NKAIN2: variants seen among roughly 807,000 people sequenced by gnomAD.
The protein encoded by NKAIN2 is sodium/potassium transporting ATPase interacting 2, also known as sodium/potassium-transporting ATPase subunit beta-1-interacting protein 2.
A neutral mutation model predicts 32.6 loss-of-function variants in NKAIN2; 14 were observed. The ratio of observed to expected loss-of-function variants is 0.43; its 90% CI spans 0.28 to 0.67. The LOEUF (loss-of-function observed/expected upper bound fraction) is 0.67. Ranked by LOEUF, NKAIN2 falls within the 30% of genes least tolerant of loss-of-function variation. The probability of loss-of-function intolerance (pLI) is 0.17; values close to 1 mark genes in which losing one functional copy is unlikely to be tolerated. For synonymous variants in NKAIN2, 80 were observed against 87.2 expected (o/e 0.92, Z 0.46); for missense variants, 198 against 258.3 (o/e 0.77, Z 1.60).
At chr6:124,205,457 T>C (rs1790823600) in intron 1 of NKAIN2, among the ~76,000 whole-genome samples, 1 of 151,806 alleles carries the variant, frequency 6.6e-6, no homozygotes, top group South Asian at 2.1e-4. Context: ...TGAATACTTT[T>C]ACTCTACTGG....
intron 1 of NKAIN2, among the ~76,000 whole-genome samples, chr6:123,905,208 A>G (rs1308586803): frequency 6.6e-6 from 1 of 152,020 alleles, no homozygotes; most frequent in Non-Finnish European, 1.5e-5. Flanking sequence ...CTCCTAGATC[A>G]GAGACAAAGA....
chr6:124,134,594 G>A (rs1786640796), intron 1 of NKAIN2, among the ~76,000 whole-genome samples: 1 of 152,156 alleles, frequency 6.6e-6, no homozygotes, highest in Non-Finnish European at 1.5e-5. Context: ...TGAGGCAGAA[G>A]AGTTGCTTGA....
At chr6:124,602,384 T>C (rs746911515) in intron 3 of NKAIN2, among the ~76,000 whole-genome samples, 9 of 152,026 alleles carry the variant, frequency 5.9e-5, no homozygotes, top group Non-Finnish European at 1.0e-4. Context: ...AGTTTTTTAT[T>C]TGGAACAAGT....
At chr6:124,185,995 G>A (rs886251742) in intron 1 of NKAIN2, among the ~76,000 whole-genome samples, 2 of 150,624 alleles carry the variant, frequency 1.3e-5, no homozygotes, top group Middle Eastern at 3.4e-3. Context: ...GTAGAAGCTC[G>A]GAAAAAAGAA....
intron 5 of NKAIN2, among the ~76,000 whole-genome samples, chr6:124,806,723 T>C (rs1198499872): frequency 1.2e-4 from 19 of 152,056 alleles, no homozygotes; most frequent in Non-Finnish European, 1.5e-5. Flanking sequence ...GACCCATCAG[T>C]GTGCTGTATT....
chr6:124,718,209 C>G (rs1775847169), intron 4 of NKAIN2, among the ~76,000 whole-genome samples: 1 of 152,024 alleles, frequency 6.6e-6, no homozygotes, highest in Admixed American at 6.6e-5. Flanking sequence ...TAAAGAGAAA[C>G]CCTGTACCCA....
At chr6:124,281,899 G>T (rs1473662908) in intron 1 of NKAIN2, among the ~76,000 whole-genome samples, 1 of 152,104 alleles carries the variant, frequency 6.6e-6, no homozygotes, top group African/African-American at 2.4e-5. Flanking sequence ...GGAACTTAGG[G>T]ATTTTAAAAT....
intron 3 of NKAIN2, among the ~76,000 whole-genome samples, chr6:124,383,752 G>C (rs1772756104): frequency 6.6e-6 from 1 of 151,948 alleles, no homozygotes; most frequent in Non-Finnish European, 1.5e-5. Flanking sequence ...TTCCATACCT[G>C]GACTTGTTAG....
chr6:124,273,606 CTCA>C (rs1334074307), intron 1 of NKAIN2, among the ~76,000 whole-genome samples: 1 of 152,128 alleles, frequency 6.6e-6, no homozygotes, highest in Admixed American at 6.5e-5. Flanking sequence ...TCTGATTCAT[CTCA>C]TCATTGATTT....
chr6:123,871,000 T>C (rs574980907), intron 1 of NKAIN2, among the ~76,000 whole-genome samples: 33 of 152,306 alleles, frequency 2.2e-4, no homozygotes, highest in African/African-American at 7.7e-4. Context: ...TTGCTCCATA[T>C]ACTTCAGTGG....
chr6:124,788,556 C>T (rs1256472149), intron 4 of NKAIN2, among the ~76,000 whole-genome samples: 1 of 152,072 alleles, frequency 6.6e-6, no homozygotes, highest in Non-Finnish European at 1.5e-5. Context: ...CAAAGACCTT[C>T]TTCAGATGGT....
At chr6:124,322,129 T>C (rs1797223388) in intron 2 of NKAIN2, among the ~76,000 whole-genome samples, 1 of 152,116 alleles carries the variant, frequency 6.6e-6, no homozygotes, top group South Asian at 2.1e-4. Flanking sequence ...ACTAAAAAAC[T>C]TTGTAAACCA....
intron 3 of NKAIN2, among the ~76,000 whole-genome samples, chr6:124,643,607 C>T (rs1784067731): frequency 6.6e-6 from 1 of 152,138 alleles, no homozygotes; most frequent in Non-Finnish European, 1.5e-5. Context: ...AGATTCACAT[C>T]ACATCATTAT....
intron 2 of NKAIN2, among the ~76,000 whole-genome samples, chr6:124,344,566 TC>T (rs1798306055): frequency 6.6e-6 from 1 of 151,754 alleles, no homozygotes; most frequent in Non-Finnish European, 1.5e-5. Flanking sequence ...TAAGTTGGAT[TC>T]CTAAGTATTT....
At chr6:124,524,980 G>T (rs1779258195) in intron 3 of NKAIN2, among the ~76,000 whole-genome samples, 1 of 152,124 alleles carries the variant, frequency 6.6e-6, no homozygotes, top group Admixed American at 6.5e-5. Context: ...AGATTCCTCA[G>T]CATGGAATGC....
At chr6:124,286,606 A>G (rs1795552537) in intron 2 of NKAIN2, among the ~76,000 whole-genome samples, 1 of 149,738 alleles carries the variant, frequency 6.7e-6, no homozygotes, top group Non-Finnish European at 1.5e-5. Flanking sequence ...AATTTTTCGT[A>G]TGTTCATTAC....
chr6:123,898,395 A>G (rs1173829272), intron 1 of NKAIN2, among the ~76,000 whole-genome samples: 3 of 152,108 alleles, frequency 2.0e-5, no homozygotes, highest in African/African-American at 7.2e-5. Context: ...TGTGCTTTTG[A>G]CATCTTTCTT....
chr6:124,370,183 G>A (rs542244202), intron 3 of NKAIN2, among the ~76,000 whole-genome samples: 8 of 150,878 alleles, frequency 5.3e-5, no homozygotes, highest in South Asian at 2.1e-4. Context: ...AGTAAATACC[G>A]TGCTACTAGA....
intron 3 of NKAIN2, among the ~76,000 whole-genome samples, chr6:124,654,389 A>G (rs1784466837): frequency 6.6e-6 from 1 of 152,170 alleles, no homozygotes; most frequent in South Asian, 2.1e-4. Context: ...CATCCAGACA[A>G]TAGGTTCAAA....
Sources: gnomAD v4.1 joint callset for allele counts (sites outside exome capture counted in the v4.1 genomes callset) on GRCh38, gnomAD v4.1.1 for gene constraint, MANE v1.5 for transcripts, NCBI Gene and HGNC (gene_info 2026-07-23, HGNC 2026-07-21) for gene names.